Variants in SNX30 observed in about 807,000 individuals in gnomAD.
The protein encoded by SNX30 is sorting nexin family member 30.
Under a neutral mutation model 46.4 loss-of-function variants are expected in SNX30, and 24 were observed. The ratio of observed to expected loss-of-function variants is 0.52; its 90% CI spans 0.37 to 0.73. The LOEUF (loss-of-function observed/expected upper bound fraction) is 0.73. Among genes scored for constraint, SNX30 ranks in the 30% least tolerant of loss-of-function variants. The pLI, the probability that SNX30 is intolerant of heterozygous loss-of-function variation, is 0.00. For synonymous variants in SNX30, 189 were observed against 211.5 expected, an observed-to-expected ratio of 0.89 and a Z score of 0.92; for missense variants, 533 against 555.7, an observed-to-expected ratio of 0.96 and a Z score of 0.41.
intron 8 of SNX30, among the ~76,000 whole-genome samples, chr9:112,864,987 G>A (rs1372057530): frequency 4.8e-5 from 3 of 62,084 alleles, no homozygotes; most frequent in African/African-American, 1.1e-4. Context: ...GCACATGCGC[G>A]TGCACACACA....
chr9:112,791,399 CTTTTTTTTTTT>C (rs386415930), intron 1 of SNX30, among the ~76,000 whole-genome samples: 8 of 67,474 alleles, frequency 1.2e-4, no homozygotes, highest in Admixed American at 5.3e-4. Flanking sequence ...TATTTAGGAA[CTTTTTTTTTTT>C]TTTTTTTTTT....
intron 2 of SNX30, among the ~76,000 whole-genome samples, chr9:112,811,509 G>A (rs917040997): frequency 4.6e-5 from 7 of 152,126 alleles, no homozygotes; most frequent in East Asian, 1.9e-4. Flanking sequence ...CTGGATGACC[G>A]ATTAGACTGT....
chr9:112,842,090 C>T (rs890464781), intron 6 of SNX30, among the ~76,000 whole-genome samples: 7 of 152,336 alleles, frequency 4.6e-5, no homozygotes, highest in African/African-American at 1.4e-4. Flanking sequence ...ATTAGAGGTG[C>T]ACATCACCAC....
intron 2 of SNX30, among the ~76,000 whole-genome samples, chr9:112,811,742 A>T (rs1222060198): frequency 1.3e-5 from 2 of 152,176 alleles, no homozygotes; most frequent in Non-Finnish European, 1.5e-5. Context: ...GACATTCTGC[A>T]TTGTGGACAC....
chr9:112,848,592 T>C (rs1302978049), intron 6 of SNX30, among the ~76,000 whole-genome samples: 1 of 152,204 alleles, frequency 6.6e-6, no homozygotes, highest in Non-Finnish European at 1.5e-5. Context: ...ATAGGGAAGA[T>C]GCGCGTTCAC....
intron 1 of SNX30, among the ~76,000 whole-genome samples, chr9:112,781,496 A>T (rs993359469): frequency 2.0e-5 from 3 of 152,216 alleles, no homozygotes; most frequent in Non-Finnish European, 4.4e-5. Flanking sequence ...AAGCCTTTCC[A>T]ACCACAGGAT....
At chr9:112,779,580 A>G (rs978437180) in intron 1 of SNX30, among the ~76,000 whole-genome samples, 1 of 152,184 alleles carries the variant, frequency 6.6e-6, no homozygotes, top group Non-Finnish European at 1.5e-5. Context: ...CTGTAGTCCC[A>G]GCTACTTAAG....
At chr9:112,781,323 C>A (rs527888251) in intron 1 of SNX30, among the ~76,000 whole-genome samples, 9 of 152,126 alleles carry the variant, frequency 5.9e-5, no homozygotes, top group African/African-American at 2.2e-4. Context: ...TTTTCAAAAC[C>A]CTTAATATGT....
intron 7 of SNX30, among the ~76,000 whole-genome samples, chr9:112,857,335 G>A (rs1475292): frequency 0.8 from 121,583 of 152,222 alleles, 48,707 homozygotes; most frequent in South Asian, 0.87. Context: ...CCTCTTTTCA[G>A]ACTTGACCCT....
downstream of SNX30, chr9:112,878,030 A>G (rs1306056142): frequency 6.6e-6 from 1 of 152,208 alleles, no homozygotes; most frequent in South Asian, 2.1e-4. Context: ...TCAGTCTGCC[A>G]TTATCCTTCA....
In SNX30 at chr9:112,804,797, G is replaced by T; in HGVS notation, c.178G>T (p.Gly60Cys). The part of the protein sequence containing the change: ...GDKDLILPNG[G>C]TPAGTSSPAS... ...TTAGGATCTCATTTTGCCCAACGGTGGTACTCCAGCAGGTACTTCAAGTCC... is the reference window on the plus strand; with the variant it reads ...TTAGGATCTCATTTTGCCCAACGGTTGTACTCCAGCAGGTACTTCAAGTCC... The change falls in exon 2 of 9, where the codon GGT becomes TGT. Residue 60 changes from glycine to cysteine, a missense_variant. By Grantham distance (159) the Gly-to-Cys change is radical. Coordinates refer to ENST00000374232, the MANE Select transcript of SNX30 (RefSeq NM_001012994.2). The T allele has an allele frequency of 1.2e-6, 2 of 1,610,518 alleles. No individual in the cohort carries two copies. The highest frequency in any genetic ancestry group is 1.7e-6 in the Non-Finnish European group (2 of 1,178,032).
chr9:112,856,099 C>A (rs1462586195), intron 7 of SNX30, among the ~76,000 whole-genome samples: 1 of 152,042 alleles, frequency 6.6e-6, no homozygotes, highest in Non-Finnish European at 1.5e-5. Context: ...CCAAAAAGAA[C>A]AAAGAAGGGA....
At chr9:112,845,729 A>G (rs956822146) in intron 6 of SNX30, among the ~76,000 whole-genome samples, 4 of 152,186 alleles carry the variant, frequency 2.6e-5, no homozygotes, top group Non-Finnish European at 5.9e-5. Flanking sequence ...GCGATGGAGA[A>G]CCAGGGTGGT....
At chr9:112,754,835 C>T (rs1300531340) in intron 1 of SNX30, among the ~76,000 whole-genome samples, 5 of 152,202 alleles carry the variant, frequency 3.3e-5, no homozygotes, top group Non-Finnish European at 7.3e-5. Context: ...CCTCCCAAAA[C>T]TTAATACTGG....
intron 3 of SNX30, among the ~76,000 whole-genome samples, chr9:112,827,099 CA>C (rs1207843761): frequency 6.6e-6 from 1 of 152,180 alleles, no homozygotes; most frequent in African/African-American, 2.4e-5. Flanking sequence ...AAGAATCCCC[CA>C]GTATTCTTAA....
chr9:112,768,297 C>G (rs981827270), intron 1 of SNX30, among the ~76,000 whole-genome samples: 1 of 152,170 alleles, frequency 6.6e-6, no homozygotes, highest in East Asian at 1.9e-4. Flanking sequence ...TGTTTCCAGC[C>G]GACATCTATT....
At chr9:112,766,363 T>TC (rs1554748056) in intron 1 of SNX30, among the ~76,000 whole-genome samples, 3 of 152,044 alleles carry the variant, frequency 2.0e-5, no homozygotes, top group Admixed American at 6.6e-5. Flanking sequence ...CTTTTTTTTT[T>TC]CCCAAAGAAA....
intron 1 of SNX30, among the ~76,000 whole-genome samples, chr9:112,758,208 A>AC (rs1466586148): frequency 6.6e-6 from 1 of 151,936 alleles, no homozygotes; most frequent in African/African-American, 2.4e-5. Flanking sequence ...GTGTAGACCC[A>AC]CCTGCCACCC....
intron 1 of SNX30, among the ~76,000 whole-genome samples, chr9:112,784,470 C>T (rs1158115454): frequency 2.0e-5 from 3 of 152,164 alleles, no homozygotes; most frequent in South Asian, 2.1e-4. Flanking sequence ...CTGCTGCTTC[C>T]CCTAGAGCAG....
Sources: gnomAD v4.1 joint callset for allele counts (sites outside exome capture counted in the v4.1 genomes callset) on GRCh38, gnomAD v4.1.1 for gene constraint, MANE v1.5 for transcripts, NCBI Gene and HGNC (gene_info 2026-07-23, HGNC 2026-07-21) for gene names.